GALNT7: variants seen among roughly 807,000 people sequenced by gnomAD.
GALNT7 encodes polypeptide N-acetylgalactosaminyltransferase 7, also known as N-acetylgalactosaminyltransferase 7.
A neutral mutation model predicts 82.1 loss-of-function variants in GALNT7; 60 were observed. That is an observed-to-expected ratio of 0.73 (90% confidence interval 0.59 to 0.91). The LOEUF is 0.91. Among genes scored for constraint, GALNT7 ranks in the 40% least tolerant of loss-of-function variants. The pLI, the probability that GALNT7 is intolerant of heterozygous loss-of-function variation, is 0.00. For missense variants in GALNT7, 660 were observed against 804.2 expected (o/e 0.82, Z 2.17); for synonymous variants, 243 against 275.1 (o/e 0.88, Z 1.15).
At chr4:173,288,951 T>C (rs746097266) in intron 2 of GALNT7, among the ~76,000 whole-genome samples, 68 of 151,994 alleles carry the variant, frequency 4.5e-4, no homozygotes, top group Non-Finnish European at 3.7e-4. Flanking sequence ...ACTCTGTCTC[T>C]AGGATGCAAA....
intron 1 of GALNT7, among the ~76,000 whole-genome samples, chr4:173,183,983 C>T (rs1351621196): frequency 6.8e-6 from 1 of 147,754 alleles, no homozygotes; most frequent in Non-Finnish European, 1.5e-5. Flanking sequence ...GGCAGAGGCG[C>T]TCTTCACATC....
At chr4:173,209,718 C>G (rs920002405) in intron 1 of GALNT7, among the ~76,000 whole-genome samples, 1 of 152,242 alleles carries the variant, frequency 6.6e-6, no homozygotes, top group African/African-American at 2.4e-5. Flanking sequence ...GTCAGGCTCC[C>G]TCTTTCCCAC....
intron 2 of GALNT7, among the ~76,000 whole-genome samples, chr4:173,262,229 A>C (rs1010302436): frequency 5.9e-5 from 9 of 152,194 alleles, no homozygotes; most frequent in African/African-American, 2.2e-4. Flanking sequence ...TTGATACTGT[A>C]CTAAAAACTA....
chr4:173,275,842 T>G (rs1390075367), intron 2 of GALNT7, among the ~76,000 whole-genome samples: 2 of 152,168 alleles, frequency 1.3e-5, no homozygotes, highest in Non-Finnish European at 2.9e-5. Context: ...TGGCAAACAC[T>G]GTTTTATTTA....
At position 173,222,275 on chromosome 4, in the gene GALNT7, A is replaced by T. The variant is rs1023929595; in HGVS notation, c.127-25705A>T. On this transcript the variant is annotated intron_variant, in intron 1 of 11. Coordinates refer to ENST00000265000, the MANE Select transcript of GALNT7 (RefSeq NM_017423.3). ...AAAATGCAATTTTTAATTTAATTTT[A>T]TTATTATTATTTTTTGAGATGGAGT... is the stretch of plus-strand genomic sequence containing the variant. 5.9e-4 allele frequency among the ~76,000 whole-genome samples: 89 copies of T among 151,964 alleles called. 2 individuals carry two copies. The highest frequency in any genetic ancestry group is 2.0e-3 in the African/African-American group (82 of 41,454).
intron 1 of GALNT7, among the ~76,000 whole-genome samples, chr4:173,180,276 A>G (rs566369744): frequency 2.8e-4 from 41 of 145,818 alleles, no homozygotes; most frequent in Non-Finnish European, 5.5e-4. Context: ...AAAAGAAATT[A>G]TTTGCCTAGA....
chr4:173,274,967 C>T (rs138331343), intron 2 of GALNT7, among the ~76,000 whole-genome samples: 4 of 152,294 alleles, frequency 2.6e-5, no homozygotes, highest in East Asian at 1.9e-4. Context: ...AGTGACTCCA[C>T]GGTCATAGGA....
chr4:173,186,091 T>G (rs1420875655), intron 1 of GALNT7, among the ~76,000 whole-genome samples: 1 of 152,242 alleles, frequency 6.6e-6, no homozygotes, highest in African/African-American at 2.4e-5. Flanking sequence ...AGGTCATGGC[T>G]TAAGCCAATC....
intron 2 of GALNT7, among the ~76,000 whole-genome samples, chr4:173,283,360 C>T (rs764248218): frequency 9.7e-4 from 147 of 152,192 alleles, no homozygotes; most frequent in African/African-American, 3.3e-3. Context: ...TTTCTAAAGC[C>T]GATCTAGACG....
chr4:173,276,916 A>C (rs117362798), intron 2 of GALNT7, among the ~76,000 whole-genome samples: 4,598 of 152,202 alleles, frequency 0.03, 97 homozygotes, highest in South Asian at 0.069. Flanking sequence ...TATTTATAAC[A>C]ATTTTTAGGA....
At chr4:173,171,546 G>A (rs1017202927) in intron 1 of GALNT7, among the ~76,000 whole-genome samples, 1 of 152,178 alleles carries the variant, frequency 6.6e-6, no homozygotes, top group Non-Finnish European at 1.5e-5. Context: ...TTGACAACTT[G>A]GGATGGTCCT....
chr4:173,231,055 A>C (rs1396667698), intron 1 of GALNT7, among the ~76,000 whole-genome samples: 1 of 152,252 alleles, frequency 6.6e-6, no homozygotes, highest in East Asian at 1.9e-4. Context: ...GTAGTACCTC[A>C]GTTGGAACAG....
At chr4:173,214,633 A>G (rs1733384146) in intron 1 of GALNT7, among the ~76,000 whole-genome samples, 1 of 152,218 alleles carries the variant, frequency 6.6e-6, no homozygotes, top group South Asian at 2.1e-4. Context: ...GCATGTATAT[A>G]TAAGTTCTCA....
At chr4:173,172,966 GTATT>G (rs1325257876) in intron 1 of GALNT7, among the ~76,000 whole-genome samples, 1 of 152,144 alleles carries the variant, frequency 6.6e-6, no homozygotes, top group African/African-American at 2.4e-5. Context: ...CAGAAAGTAT[GTATT>G]TGTCTATAGA....
intron 1 of GALNT7, among the ~76,000 whole-genome samples, chr4:173,237,102 A>G (rs1734258544): frequency 6.6e-6 from 1 of 152,178 alleles, no homozygotes; most frequent in South Asian, 2.1e-4. Flanking sequence ...CACCCTCCTA[A>G]AATGGATTTC....
At chr4:173,186,251 G>A (rs1057502768) in intron 1 of GALNT7, among the ~76,000 whole-genome samples, 1 of 152,154 alleles carries the variant, frequency 6.6e-6, no homozygotes, top group Non-Finnish European at 1.5e-5. Context: ...GAAACATATA[G>A]CTCCCCAAGG....
At chr4:173,219,610 CAG>C (rs759423441) in intron 1 of GALNT7, among the ~76,000 whole-genome samples, 5 of 151,652 alleles carry the variant, frequency 3.3e-5, no homozygotes, top group African/African-American at 7.3e-5. Flanking sequence ...TTCCCACCAA[CAG>C]AGTAAAAGTG....
intron 1 of GALNT7, among the ~76,000 whole-genome samples, chr4:173,215,349 A>G (rs1235179245): frequency 2.0e-5 from 3 of 150,364 alleles, no homozygotes; most frequent in African/African-American, 7.4e-5. Flanking sequence ...TCCTGCCTCT[A>G]CCTTCCAAGT....
chr4:173,316,539 C>G (rs1437671903), intron 9 of GALNT7: 1 of 152,206 alleles, frequency 6.6e-6, no homozygotes, highest in African/African-American at 2.4e-5. Context: ...CCCACATTCA[C>G]TGTGGCATGC....
Sources: gnomAD v4.1 joint callset for allele counts (sites outside exome capture counted in the v4.1 genomes callset) on GRCh38, gnomAD v4.1.1 for gene constraint, MANE v1.5 for transcripts, NCBI Gene and HGNC (gene_info 2026-07-23, HGNC 2026-07-21) for gene names.